The following MCF2L2 variants were observed in gnomAD, a reference collection of about 807,000 sequenced individuals.
MCF2L2 encodes the protein MCF.2 cell line derived transforming sequence-like 2, also known as probable guanine nucleotide exchange factor MCF2L2.
A neutral mutation model predicts 150.2 loss-of-function variants in MCF2L2; 102 were observed. The observed-to-expected ratio is 0.68, with a 90% CI of 0.58 to 0.80. The LOEUF (loss-of-function observed/expected upper bound fraction) is 0.80, where lower values mean the gene tolerates loss of function less well. Ranked by LOEUF, MCF2L2 falls within the 30% of genes least tolerant of loss-of-function variation. MCF2L2 has a pLI of 0.00. For synonymous variants in MCF2L2, 465 were observed against 491.3 expected (o/e 0.95, Z 0.71); for missense variants, 1,256 against 1,372.8 (o/e 0.91, Z 1.34).
chr3:183,390,045 C>T (rs1223042677), intron 1 of MCF2L2, among the ~76,000 whole-genome samples: 2 of 152,074 alleles, frequency 1.3e-5, no homozygotes, highest in Non-Finnish European at 2.9e-5. Context: ...AGGAAAGAAC[C>T]CTGAAGTTTA....
At chr3:183,183,004 T>A (rs993909600) in intron 27 of MCF2L2, among the ~76,000 whole-genome samples, 1 of 152,104 alleles carries the variant, frequency 6.6e-6, no homozygotes, top group Non-Finnish European at 1.5e-5. Context: ...GGCTTTTATT[T>A]ATTTATTTTG....
At chr3:183,352,506 G>T (rs138538021) in intron 3 of MCF2L2, among the ~76,000 whole-genome samples, 22 of 152,320 alleles carry the variant, frequency 1.4e-4, no homozygotes, top group African/African-American at 4.8e-4. Context: ...CTGGGCGATA[G>T]AGAGAGACTT....
intron 27 of MCF2L2, among the ~76,000 whole-genome samples, chr3:183,187,082 T>C (rs927266185): frequency 6.6e-6 from 1 of 152,180 alleles, no homozygotes; most frequent in Admixed American, 6.5e-5. Context: ...GGCTGTTTGC[T>C]AGAACTTATT....
chr3:183,193,086 C>T lies in MCF2L2; in HGVS notation c.2929G>A (p.Gly977Arg). Residue 977 changes from glycine (G) to arginine (R), a missense_variant, in exon 27 of 30, where the codon GGA becomes AGA. Physicochemically the swap from Gly to Arg is moderately radical, Grantham distance 125 (BLOSUM62 -2). Transcript: ENST00000328913. ...QFEMSTSKGS[G>R]AGSGPWIKNM... ...TTAATCCATGGTCCGGATCCTGCTC[C>T]ACTGCCTTTGCTTTAGAGAAATAAA... The T allele has an allele frequency of 6.2e-7, 1 of 1,613,940 alleles. No individual in the cohort carries two copies. The highest frequency in any genetic ancestry group is 8.5e-7 in the Non-Finnish European group (1 of 1,179,870).
At chr3:183,382,770 ATAG>A (rs2108590958) in intron 2 of MCF2L2, among the ~76,000 whole-genome samples, 1 of 152,334 alleles carries the variant, frequency 6.6e-6, no homozygotes, top group East Asian at 1.9e-4. Context: ...TGAAAGACAA[ATAG>A]TTTTAGTGCA....
chr3:183,352,245 G>A (rs115021542), intron 3 of MCF2L2, among the ~76,000 whole-genome samples: 1,648 of 152,262 alleles, frequency 0.011, 29 homozygotes, highest in African/African-American at 0.037. Flanking sequence ...AGGTGAAGCC[G>A]GGCGTGGTGG....
intron 1 of MCF2L2, among the ~76,000 whole-genome samples, chr3:183,404,600 C>A (rs1221841236): frequency 6.6e-6 from 1 of 152,222 alleles, no homozygotes; most frequent in East Asian, 1.9e-4. Flanking sequence ...TGGTGGCTCA[C>A]GCCTGTAATC....
intron 3 of MCF2L2, among the ~76,000 whole-genome samples, chr3:183,353,806 C>T (rs1711608267): frequency 6.6e-6 from 1 of 152,174 alleles, no homozygotes; most frequent in Non-Finnish European, 1.5e-5. Flanking sequence ...TGCCTCCAAG[C>T]CAACGTAATT....
chr3:183,211,362 G>A lies in MCF2L2; in HGVS notation c.2497-3539C>T, dbSNP rs537759311. On this transcript the variant is annotated intron_variant, in intron 22 of 29. Coordinates refer to ENST00000328913, the MANE Select transcript of MCF2L2 (RefSeq NM_015078.4). Reference sequence around the variant, plus strand: ...CCCATTATTACTGGAAGTGACTCGGGGGGAGTCGCTGGGTCTTTCAAGTCT... The same window carrying A: ...CCCATTATTACTGGAAGTGACTCGGAGGGAGTCGCTGGGTCTTTCAAGTCT... 1.2e-3 allele frequency among the ~76,000 whole-genome samples: 181 copies of A among 152,266 alleles called. 1 individual carries two copies. Among genetic ancestry groups the A allele is most frequent in the Non-Finnish European group, 7.5e-4 (51 of 68,016 alleles).
chr3:183,376,608 C>T lies in MCF2L2; in HGVS notation c.275+2689G>A, dbSNP rs1249947821. On this transcript the variant is annotated intron_variant, in intron 3 of 29. Coordinates refer to ENST00000328913, the MANE Select transcript of MCF2L2 (RefSeq NM_015078.4). Reference sequence around the variant, plus strand: ...CCTTCTCACTGTAGGAATGGAAAAACTTCACCTCTATTGTCTTAGGGTCCT... The same window carrying T: ...CCTTCTCACTGTAGGAATGGAAAAATTTCACCTCTATTGTCTTAGGGTCCT... The T allele has an allele frequency of 3.3e-5, 5 of 152,348 alleles. No individual in the cohort carries two copies. The East Asian group carries it at 5.8e-4, about 18-fold the overall frequency. 9.4% of individuals were successfully genotyped at this position (152,348 alleles called of 1,614,324 possible). A position where few individuals can be genotyped will look rare whatever the true frequency, so the allele number is the denominator to read the frequency against.
At chr3:183,321,437 C>CA (rs754945400) in intron 6 of MCF2L2, among the ~76,000 whole-genome samples, 1,212 of 87,002 alleles carry the variant, frequency 0.014, 9 homozygotes, top group African/African-American at 0.03. Flanking sequence ...GACTCTGTCT[C>CA]AAAAAAAAAA....
chr3:183,288,980 C>A, intron 14 of MCF2L2, 140 bp downstream of exon 14: 1 of 565,592 alleles, frequency 1.8e-6, no homozygotes, highest in Non-Finnish European at 3.1e-6. Context: ...CCTATAAACC[C>A]CAGTTCTTGA....
intron 6 of MCF2L2, among the ~76,000 whole-genome samples, chr3:183,319,909 T>C (rs1378426973): frequency 1.3e-5 from 2 of 152,146 alleles, no homozygotes; most frequent in South Asian, 2.1e-4. Context: ...TAAATGAGCA[T>C]TGGCTTCCAT....
intron 7 of MCF2L2, among the ~76,000 whole-genome samples, chr3:183,313,811 G>C (rs1275356236): frequency 6.6e-6 from 1 of 152,162 alleles, no homozygotes; most frequent in African/African-American, 2.4e-5. Context: ...TTGGTGGCAG[G>C]GTAAGGACTG....
At chr3:183,284,478 G>A (rs531680179) in intron 14 of MCF2L2, among the ~76,000 whole-genome samples, 1 of 152,268 alleles carries the variant, frequency 6.6e-6, no homozygotes, top group East Asian at 1.9e-4. Flanking sequence ...GAGCCAGGTG[G>A]GTCACCTGAG....
intron 27 of MCF2L2, chr3:183,182,490 A>G (rs1238575497): frequency 6.6e-6 from 1 of 152,244 alleles, no homozygotes; most frequent in Admixed American, 6.5e-5. Context: ...CGGACGGAAC[A>G]ATATTTACCC....
intron 3 of MCF2L2, among the ~76,000 whole-genome samples, chr3:183,351,493 C>T (rs1711503771): frequency 6.6e-6 from 1 of 151,896 alleles, no homozygotes; most frequent in African/African-American, 2.4e-5. Context: ...TTGTCTAGCA[C>T]TGAGAAGTTC....
intron 25 of MCF2L2, among the ~76,000 whole-genome samples, chr3:183,199,045 C>A (rs934336872): frequency 2.6e-5 from 4 of 152,086 alleles, no homozygotes; most frequent in South Asian, 2.1e-4. Context: ...CTGGCAGTTA[C>A]CTACAGTTTA....
chr3:183,279,522 TC>T (rs1328341362), intron 14 of MCF2L2, among the ~76,000 whole-genome samples: 2 of 152,182 alleles, frequency 1.3e-5, no homozygotes, highest in Non-Finnish European at 2.9e-5. Flanking sequence ...GCATCCTTTT[TC>T]CCTTCCTTCA....
Sources: gnomAD v4.1 joint callset for allele counts (sites outside exome capture counted in the v4.1 genomes callset) on GRCh38, gnomAD v4.1.1 for gene constraint, MANE v1.5 for transcripts, NCBI Gene and HGNC (gene_info 2026-07-23, HGNC 2026-07-21) for gene names.